PRORP: variants seen among roughly 807,000 people sequenced by gnomAD.
PRORP encodes the protein mitochondrial ribonuclease P catalytic subunit.
PRORP carries 51 observed loss-of-function variants against 59.4 expected under a neutral mutation model. That is an observed-to-expected ratio of 0.86 (90% CI 0.69 to 1.08). The LOEUF is 1.08. PRORP is among the 50% of genes least tolerant of loss of function. PRORP has a pLI of 0.00. For synonymous variants in PRORP, 231 were observed against 245.6 expected (o/e 0.94, Z 0.55); for missense variants, 646 against 690.3 (o/e 0.94, Z 0.72).
At chr14:35,158,424 A>T (rs1474293221) in intron 4 of PRORP, 5 of 310,510 alleles carry the variant, frequency 1.6e-5, no homozygotes, top group Admixed American at 3.6e-5. Context: ...TCAATGATAT[A>T]GTATTACTAC....
intron 5 of PRORP, among the ~76,000 whole-genome samples, chr14:35,233,536 C>T (rs1353927879): frequency 6.7e-6 from 1 of 150,308 alleles, no homozygotes; most frequent in African/African-American, 2.4e-5. Flanking sequence ...ATGCAGTCCT[C>T]TCCATGGTGC....
chr14:35,255,860 T>C (rs369489362), intron 5 of PRORP, among the ~76,000 whole-genome samples: 1 of 152,296 alleles, frequency 6.6e-6, no homozygotes, highest in East Asian at 1.9e-4. Flanking sequence ...TTAAGAGAGA[T>C]ACCAGGCAAT....
intron 5 of PRORP, among the ~76,000 whole-genome samples, chr14:35,258,875 A>C (rs1008671260): frequency 1.3e-5 from 2 of 152,248 alleles, no homozygotes; most frequent in African/African-American, 4.8e-5. Flanking sequence ...GACTAAAATG[A>C]GGTTAACTGA....
rs916747825 is a variant in PRORP, at chr14:35,142,877, C to T, written c.1167+15266C>T. On this transcript the variant is annotated intron_variant, in intron 4 of 7. Transcript: ENST00000534898. ...AAAAAAAATTGTAAAGATGGGATCT[C>T]ACTATGTGGTCCAGGCTGGTCTTGA... is the stretch of plus-strand genomic sequence containing the variant. Among the ~76,000 whole-genome samples the T allele has an allele frequency of 1.4e-5, 2 of 144,326 alleles. 1 individual carries two copies. The highest frequency in any genetic ancestry group is 3.1e-5 in the Non-Finnish European group (2 of 65,020). The allele number at this position is 144,326 out of a possible 152,430, so 94.7% of individuals were successfully genotyped here. A position where few individuals can be genotyped will look rare whatever the true frequency, so the allele number is the denominator to read the frequency against.
intron 5 of PRORP, among the ~76,000 whole-genome samples, chr14:35,250,769 C>A (rs1376866085): frequency 1.1e-4 from 16 of 152,130 alleles, no homozygotes; most frequent in Non-Finnish European, 1.8e-4. Context: ...GGAGATATTG[C>A]CAGAGAGAAC....
At chr14:35,227,520 C>T (rs960696607) in intron 5 of PRORP, among the ~76,000 whole-genome samples, 2 of 152,012 alleles carry the variant, frequency 1.3e-5, no homozygotes, top group Non-Finnish European at 2.9e-5. Flanking sequence ...ATCATCTGTG[C>T]TTTCCTTCAT....
In PRORP at chr14:35,197,876, TTGG is replaced by T. The variant is rs149803580; in HGVS notation, c.1275+17102_1275+17104del. On this transcript the variant is annotated intron_variant, in intron 5 of 7. Transcript: ENST00000534898. ...GCTTAGGGAAATAAAAGGTTTAAGG[TTGG>T]TGCACAAAATGCATATGGTGAAGTG... 1.7e-3 allele frequency among the ~76,000 whole-genome samples: 252 copies of T among 152,308 alleles called. 2 individuals are homozygous for T. Among genetic ancestry groups the T allele is most frequent in the African/African-American group, 5.8e-3 (240 of 41,574 alleles).
At chr14:35,173,449 T>C (rs1046178145) in intron 4 of PRORP, among the ~76,000 whole-genome samples, 7 of 152,214 alleles carry the variant, frequency 4.6e-5, no homozygotes, top group Admixed American at 4.6e-4. Context: ...GCTTTTTTGC[T>C]GGGCTTCTTG....
intron 4 of PRORP, among the ~76,000 whole-genome samples, chr14:35,136,251 G>A (rs747872690): frequency 1.3e-5 from 2 of 152,186 alleles, no homozygotes; most frequent in African/African-American, 2.4e-5. Flanking sequence ...TTCGGCTTGG[G>A]TGATGGGGTG....
intron 5 of PRORP, among the ~76,000 whole-genome samples, chr14:35,249,451 C>T (rs1161606277): frequency 6.6e-6 from 1 of 152,014 alleles, no homozygotes; most frequent in East Asian, 1.9e-4. Context: ...TAGCCAAGTA[C>T]GATAGCATGC....
At chr14:35,180,435 A>G (rs1197411889) in intron 4 of PRORP, among the ~76,000 whole-genome samples, 3 of 152,214 alleles carry the variant, frequency 2.0e-5, no homozygotes, top group Non-Finnish European at 4.4e-5. Context: ...TTTGTGCAGT[A>G]TAAAGCACTA....
chr14:35,215,026 G>A (rs987817557), intron 5 of PRORP, among the ~76,000 whole-genome samples: 3 of 152,036 alleles, frequency 2.0e-5, no homozygotes, highest in African/African-American at 7.2e-5. Flanking sequence ...AGAATGGCAA[G>A]ATCAGAAAAA....
chr14:35,141,465 A>G (rs2047479265), intron 4 of PRORP, among the ~76,000 whole-genome samples: 1 of 143,986 alleles, frequency 6.9e-6, no homozygotes. Context: ...ACGGGGTCTC[A>G]CTATGTTGCC....
At chr14:35,210,628 G>T (rs2049413871) in intron 5 of PRORP, among the ~76,000 whole-genome samples, 1 of 150,242 alleles carries the variant, frequency 6.7e-6, no homozygotes, top group African/African-American at 2.5e-5. Flanking sequence ...CATGCAACTA[G>T]CTAGAAATAC....
intron 4 of PRORP, among the ~76,000 whole-genome samples, chr14:35,132,414 C>T (rs2047267054): frequency 6.6e-6 from 1 of 151,866 alleles, no homozygotes; most frequent in African/African-American, 2.4e-5. Context: ...GCCAAGGTCA[C>T]ACTACTGCAC....
intron 5 of PRORP, among the ~76,000 whole-genome samples, chr14:35,259,945 T>C (rs2138629136): frequency 6.6e-6 from 1 of 151,814 alleles, no homozygotes; most frequent in African/African-American, 2.4e-5. Flanking sequence ...TGTATCTTTT[T>C]GTATAGCATT....
At chr14:35,138,938 A>C (rs897461571) in intron 4 of PRORP, among the ~76,000 whole-genome samples, 4 of 144,500 alleles carry the variant, frequency 2.8e-5, no homozygotes, top group Non-Finnish European at 6.1e-5. Context: ...CTACAGGTGC[A>C]TACCACCATG....
chr14:35,255,059 C>T (rs564338050), intron 5 of PRORP, among the ~76,000 whole-genome samples: 1 of 152,270 alleles, frequency 6.6e-6, no homozygotes, highest in Non-Finnish European at 1.5e-5. Flanking sequence ...TGTGTTCCAT[C>T]TTAGTGCATA....
At chr14:35,166,289 T>C (rs1182786288) in intron 4 of PRORP, among the ~76,000 whole-genome samples, 1 of 152,144 alleles carries the variant, frequency 6.6e-6, no homozygotes, top group Non-Finnish European at 1.5e-5. Flanking sequence ...TTTTCATTTC[T>C]ATTTTATTTT....
Sources: allele counts gnomAD v4.1 joint callset (sites outside exome capture counted in the v4.1 genomes callset), GRCh38; gene constraint gnomAD v4.1.1; transcripts MANE v1.5; gene names NCBI Gene and HGNC (gene_info 2026-07-23, HGNC 2026-07-21).